The following SPAG17 variants were observed in gnomAD, a reference collection of about 807,000 sequenced individuals.
SPAG17 encodes sperm-associated antigen 17.
Under a neutral mutation model 273.6 loss-of-function variants are expected in SPAG17, and 169 were observed. That is an observed-to-expected ratio of 0.62 (90% CI 0.55 to 0.70). The LOEUF is 0.70. Ranked by LOEUF, SPAG17 falls within the 30% of genes least tolerant of loss-of-function variation. SPAG17 has a pLI of 0.00. For synonymous variants in SPAG17, 825 were observed against 873.2 expected, an observed-to-expected ratio of 0.94 and a Z score of 0.97; for missense variants, 2,557 against 2,627.8, an observed-to-expected ratio of 0.97 and a Z score of 0.59.
intron 15 of SPAG17, among the ~76,000 whole-genome samples, chr1:118,080,278 A>G (rs1020512381): frequency 6.6e-6 from 1 of 152,132 alleles, no homozygotes; most frequent in African/African-American, 2.4e-5. Flanking sequence ...ATAAGACTTC[A>G]TGGAGGTGCC....
chr1:118,002,651 CT>C lies in SPAG17; in HGVS notation c.4776+2762del, dbSNP rs890812956. Among the ~76,000 whole-genome samples the C allele has an allele frequency of 6.6e-5, 10 of 151,230 alleles. No homozygotes were observed. In the East Asian group the frequency reaches 1.6e-3, roughly 23 times the overall value. Reference sequence around the variant, plus strand: ...TCAGAGACTAGGATTGCAACCCCTGCTTTTTTTTTGTCTTTCCATTTGCTTG... The same window carrying C: ...TCAGAGACTAGGATTGCAACCCCTGCTTTTTTTTGTCTTTCCATTTGCTTG... On this transcript the variant is annotated intron_variant, in intron 32 of 48. Transcript: ENST00000336338.
At chr1:118,046,290 T>A (rs971553805) in intron 20 of SPAG17, among the ~76,000 whole-genome samples, 2 of 152,022 alleles carry the variant, frequency 1.3e-5, no homozygotes, top group African/African-American at 4.8e-5. Context: ...TGAGTTATAA[T>A]CACGCCACTG....
At chr1:118,087,742 T>C (rs1655101699) in intron 10 of SPAG17, among the ~76,000 whole-genome samples, 1 of 152,210 alleles carries the variant, frequency 6.6e-6, no homozygotes, top group African/African-American at 2.4e-5. Context: ...ATTTACAGCT[T>C]TTCCCTTTAC....
At chr1:118,116,539 G>A (rs770937398) in intron 3 of SPAG17, among the ~76,000 whole-genome samples, 3 of 152,140 alleles carry the variant, frequency 2.0e-5, no homozygotes, top group Non-Finnish European at 4.4e-5. Flanking sequence ...TGTCTTGTCT[G>A]AGCTCTTGGT....
chr1:118,017,469 G>A (rs552291418), intron 28 of SPAG17, among the ~76,000 whole-genome samples: 63 of 152,172 alleles, frequency 4.1e-4, no homozygotes, highest in African/African-American at 1.5e-3. Flanking sequence ...TTGAGTGAAG[G>A]GACAGGAGAG....
rs550402862 is a variant in SPAG17, at chr1:117,971,024, G to A, written c.6326+839C>T. Among the ~76,000 whole-genome samples, 11 of 152,192 alleles carry A rather than the reference G, an allele frequency of 7.2e-5. No individual in the cohort carries two copies. In the South Asian group the frequency reaches 2.1e-3, roughly 29 times the overall value. ...CAACTGAAATAACTGAAATGGGACA[G>A]GGATCTTTCAAACTGGATGCTTCTA... On this transcript the variant is annotated intron_variant, in intron 45 of 48. Transcript: ENST00000336338.
intron 48 of SPAG17, chr1:117,957,015 T>C (rs1652295831): frequency 2.7e-6 from 4 of 1,468,018 alleles, no homozygotes; most frequent in South Asian, 1.4e-5. Context: ...AAATTGACCA[T>C]GTTAACAACG....
Position 118,144,824 on chromosome 1 carries a change from C to T in SPAG17, c.315+5719G>A, listed in dbSNP as rs759505561. Among the ~76,000 whole-genome samples, 18 of 152,242 alleles carry T rather than the reference C, an allele frequency of 1.2e-4. 2 individuals are homozygous for T. The highest frequency in any genetic ancestry group is 6.2e-4 in the South Asian group (3 of 4,820). Reference sequence around the variant, plus strand: ...TTCCTAAGACATGACCTTCCCTTTCCGAAAATCACGTTGGCCAGGCTTGCC... The same window carrying T: ...TTCCTAAGACATGACCTTCCCTTTCTGAAAATCACGTTGGCCAGGCTTGCC... On this transcript the variant is annotated intron_variant, in intron 3 of 48. Transcript: ENST00000336338.
At chr1:118,039,264 A>C in intron 23 of SPAG17, 28 bp downstream of exon 23, 1 of 1,605,664 alleles carries the variant, frequency 6.2e-7, no homozygotes, top group Non-Finnish European at 8.5e-7. Context: ...ATTAGTCAGA[A>C]GAAAGAAACC....
intron 13 of SPAG17, among the ~76,000 whole-genome samples, chr1:118,084,859 G>A (rs552479759): frequency 6.6e-6 from 1 of 152,168 alleles, no homozygotes; most frequent in African/African-American, 2.4e-5. Flanking sequence ...ATTTAACCCT[G>A]CTAGGATCTC....
intron 3 of SPAG17, among the ~76,000 whole-genome samples, chr1:118,118,359 T>C (rs537988678): frequency 2.0e-5 from 3 of 152,028 alleles, no homozygotes; most frequent in African/African-American, 4.8e-5. Context: ...GCTATAGTTA[T>C]AGGGGGGATG....
intron 44 of SPAG17, among the ~76,000 whole-genome samples, chr1:117,973,024 A>G (rs1175507486): frequency 6.6e-6 from 1 of 152,214 alleles, no homozygotes; most frequent in Non-Finnish European, 1.5e-5. Context: ...GTGGCCAATG[A>G]TTCCTTTAGC....
Position 118,133,966 on chromosome 1 carries a change from G to C in SPAG17, c.315+16577C>G, listed in dbSNP as rs182112789. On this transcript the variant is annotated intron_variant, in intron 3 of 48. Coordinates refer to ENST00000336338, the MANE Select transcript of SPAG17 (RefSeq NM_206996.4). The stretch of plus-strand genomic sequence containing the variant: ...ACAGCCAATCAAAATATGATTAAAT[G>C]TTCAACCTTATAATTTTTGCTTGTC... Among the ~76,000 whole-genome samples the C allele has an allele frequency of 2.0e-3, 304 of 152,254 alleles. 6 individuals are homozygous for C. The highest frequency in any genetic ancestry group is 7.0e-3 in the African/African-American group (292 of 41,542).
At position 118,097,666 on chromosome 1, in the gene SPAG17, T is replaced by C. The variant is rs767557950; in HGVS notation, c.1011+4A>G. The C allele has an allele frequency of 6.3e-6, 10 of 1,589,030 alleles. No individual in the cohort carries two copies. In the South Asian group the frequency reaches 8.2e-5, roughly 13 times the overall value. On this transcript the variant is annotated splice_donor_region_variant and intron_variant, in intron 7 of 48. Coordinates refer to ENST00000336338, the MANE Select transcript of SPAG17 (RefSeq NM_206996.4). ...CATGCACTCTCAGTAATGTGTGTAC[T>C]AACCATCATCTCACCATCTGACCAG...
intron 29 of SPAG17, among the ~76,000 whole-genome samples, chr1:118,015,000 G>C (rs1461887594): frequency 6.6e-6 from 1 of 152,118 alleles, no homozygotes; most frequent in African/African-American, 2.4e-5. Context: ...CTGGTAGATA[G>C]AGGGCCGGGC....
At chr1:118,088,135 C>T (rs1007134865) in intron 10 of SPAG17, among the ~76,000 whole-genome samples, 2 of 152,176 alleles carry the variant, frequency 1.3e-5, no homozygotes, top group African/African-American at 4.8e-5. Flanking sequence ...CATAAAAGAT[C>T]ACTCAAATCT....
intron 1 of SPAG17, among the ~76,000 whole-genome samples, chr1:118,182,555 T>C (rs1660998532): frequency 6.6e-6 from 1 of 152,212 alleles, no homozygotes; most frequent in South Asian, 2.1e-4. Context: ...AGATGTGATA[T>C]TTCACTCATA....
chr1:118,024,901 C>T, intron 27 of SPAG17, among the ~76,000 whole-genome samples: 1 of 152,158 alleles, frequency 6.6e-6, no homozygotes, highest in East Asian at 1.9e-4. Context: ...ATCTTCTGAT[C>T]TATTATTGAT....
chr1:117,968,616 A>G (rs1370386692), intron 46 of SPAG17, among the ~76,000 whole-genome samples: 1 of 152,238 alleles, frequency 6.6e-6, no homozygotes, highest in Non-Finnish European at 1.5e-5. Flanking sequence ...TGAACTTTAC[A>G]GATGAGGAAA....
Sources: gnomAD v4.1 joint callset for allele counts (sites outside exome capture counted in the v4.1 genomes callset) on GRCh38, gnomAD v4.1.1 for gene constraint, MANE v1.5 for transcripts, NCBI Gene and HGNC (gene_info 2026-07-23, HGNC 2026-07-21) for gene names.